The following CDH26 variants were observed in gnomAD, a reference collection of about 807,000 sequenced individuals.
CDH26 encodes the protein cadherin-like protein 26.
In CDH26, 83 loss-of-function variants were observed where a neutral mutation model predicts 90.3. That is an observed-to-expected ratio of 0.92 (90% CI 0.77 to 1.10). The LOEUF (loss-of-function observed/expected upper bound fraction) is 1.10, where lower values mean the gene tolerates loss of function less well. CDH26 is among the 50% of genes least tolerant of loss of function. The pLI is 0.00. For missense variants in CDH26, 1,013 were observed against 1,037.6 expected, an observed-to-expected ratio of 0.98 and a Z score of 0.33; for synonymous variants, 397 against 396.3, an observed-to-expected ratio of 1.00 and a Z score of -0.02.
rs568759209 is a variant in CDH26, at chr20:59,974,574, G to A, written c.393+2451G>A. Among the ~76,000 whole-genome samples, 6 of 152,250 alleles carry A rather than the reference G, an allele frequency of 3.9e-5. No homozygotes were observed. In the South Asian group the frequency reaches 1.2e-3, roughly 32 times the overall value. Reference sequence around the variant, plus strand: ...CAGTGTGGGGTGGGGGGAAACACATGGCATCCCCATTAATTCTGTTATGTC... The same window carrying A: ...CAGTGTGGGGTGGGGGGAAACACATAGCATCCCCATTAATTCTGTTATGTC... On this transcript the variant is annotated intron_variant, in intron 4 of 17. Coordinates refer to ENST00000348616, the MANE Select transcript of CDH26 (RefSeq NM_177980.4).
At chr20:60,034,093 G>A (rs575618657), downstream of CDH26, 61 of 153,306 alleles carry the variant, frequency 4.0e-4, no homozygotes, top group Non-Finnish European at 7.7e-4. Flanking sequence ...AGTGCAGCCG[G>A]CAGCACAGGG....
At chr20:59,965,818 C>T (rs771313663) in intron 1 of CDH26, among the ~76,000 whole-genome samples, 1 of 152,150 alleles carries the variant, frequency 6.6e-6, no homozygotes, top group Non-Finnish European at 1.5e-5. Flanking sequence ...TTCCCTACTC[C>T]GTTCCATTAA....
chr20:59,981,777 A>G (rs922530676), intron 4 of CDH26, among the ~76,000 whole-genome samples: 3 of 152,116 alleles, frequency 2.0e-5, no homozygotes, highest in Admixed American at 6.5e-5. Flanking sequence ...AGTCTCATAT[A>G]ATCAGTTGAG....
intron 10 of CDH26, among the ~76,000 whole-genome samples, chr20:59,993,595 A>G (rs928714520): frequency 5.3e-5 from 8 of 152,180 alleles, no homozygotes; most frequent in Admixed American, 2.6e-4. Flanking sequence ...ACATGATTTC[A>G]TTCTTTTTTA....
At chr20:59,999,337 A>G (rs1460430050) in intron 13 of CDH26, among the ~76,000 whole-genome samples, 2 of 152,202 alleles carry the variant, frequency 1.3e-5, no homozygotes, top group Non-Finnish European at 2.9e-5. Context: ...ATCAGTTTAC[A>G]TGGAACCCTG....
chr20:59,978,771 T>C (rs2061356226), intron 4 of CDH26, among the ~76,000 whole-genome samples: 1 of 152,158 alleles, frequency 6.6e-6, no homozygotes. Flanking sequence ...TTCTCTCTGG[T>C]CTAATTCCAC....
intron 17 of CDH26, among the ~76,000 whole-genome samples, chr20:60,010,740 G>A (rs2061825200): frequency 6.6e-6 from 1 of 152,220 alleles, no homozygotes. Context: ...GAGATGGTGA[G>A]AAGAGGGCTG....
rs1387371250 is a variant in CDH26, at chr20:60,021,895, C to CATATATAT, written c.948-9335_948-9334insTATATATA. Among the ~76,000 whole-genome samples, 398 of 80,788 alleles carry CATATATAT rather than the reference C, an allele frequency of 4.9e-3. 2 individuals carry two copies. The highest frequency in any genetic ancestry group is 0.025 in the Middle Eastern group (4 of 160). 53.0% of individuals were successfully genotyped at this position (80,788 alleles called of 152,430 possible). ...ACACACACACACACACACACACACACACATATATATATATATATATATCCT... is the reference window on the plus strand; with the variant it reads ...ACACACACACACACACACACACACACATATATATACATATATATATATATATATATCCT... On this transcript the variant is annotated intron_variant, in intron 7 of 8. Coordinates refer to the CDH26 transcript ENST00000370991.
exon 8 of CDH26, chr20:60,031,265 G>C: frequency 1.6e-6 from 2 of 1,258,684 alleles, no homozygotes; most frequent in South Asian, 2.7e-5. Context: ...CTCAGCAGGG[G>C]CTGCATCATC....
rs369484560 is a variant in CDH26, at chr20:59,972,153, G to T, written c.393+30G>T. The T allele has an allele frequency of 5.6e-5, 90 of 1,597,912 alleles. No homozygotes were observed. In the African/African-American group the frequency reaches 1.1e-3, roughly 20 times the overall value. ...CTAAAACTTGATATATTCTAAGCTCGGATTTAAAAGCTCTTGCAAGACTGT... is the reference window on the plus strand; with the variant it reads ...CTAAAACTTGATATATTCTAAGCTCTGATTTAAAAGCTCTTGCAAGACTGT... On this transcript the variant is annotated intron_variant, in intron 4 of 17. Coordinates refer to ENST00000348616, the MANE Select transcript of CDH26 (RefSeq NM_177980.4).
rs113026468 is a variant in CDH26, at chr20:59,958,659, G to A, written c.-68G>A. 6 of 1,503,762 alleles carry A rather than the reference G, an allele frequency of 4.0e-6. No homozygotes were observed. In the African/African-American group the frequency reaches 4.1e-5, roughly 10 times the overall value. The allele number at this position is 1,503,762 out of a possible 1,614,324, so 93.2% of individuals were successfully genotyped here. On this transcript the variant is annotated 5_prime_UTR_variant, in exon 1 of 18. Coordinates refer to ENST00000348616, the MANE Select transcript of CDH26 (RefSeq NM_177980.4). ...GGCTGAGAAGGAGGTGTGTGGCTCC[G>A]GTGAGACCACCAGCTTGGAGGACTG...
At chr20:59,960,713 T>TAAA (rs1351869799) in intron 1 of CDH26, among the ~76,000 whole-genome samples, 1 of 152,232 alleles carries the variant, frequency 6.6e-6, no homozygotes, top group Non-Finnish European at 1.5e-5. Context: ...TATCTCCCTT[T>TAAA]ACCTCCCTGA....
At position 59,972,083 on chromosome 20, in the gene CDH26, T is replaced by G; in HGVS notation, c.353T>G (p.Val118Gly). Reference protein sequence around the residue: ...LEDHENGRIYVHRPVDREMTP... With the variant: ...LEDHENGRIYGHRPVDREMTP... ...GATCATGAGAACGGAAGGATATATG[T>G]TCACCGCCCTGTCGATCGAGAAATG... Residue 118 changes from valine (V) to glycine (G), a missense_variant, in exon 4 of 18, where the codon GTT becomes GGT. By Grantham distance (109) the Val-to-Gly change is moderately radical. Transcript: ENST00000348616. The G allele has an allele frequency of 6.2e-7, 1 of 1,614,098 alleles. No homozygotes were observed. The highest frequency in any genetic ancestry group is 1.3e-5 in the African/African-American group (1 of 75,064).
rs777074678 is a variant in CDH26, at chr20:59,971,945, A to G, written c.232-17A>G. 6.3e-7 allele frequency: 1 copy of G among 1,598,542 alleles called. No individual in the cohort carries two copies. The highest frequency in any genetic ancestry group is 8.5e-7 in the Non-Finnish European group (1 of 1,170,644). ...CTCATCCTCCTTTTTTCTTCTTTCC[A>G]TTTTTCCTCCTTCCAGCTGTTCAAT... On this transcript the variant is annotated splice_polypyrimidine_tract_variant and intron_variant, in intron 3 of 17. Transcript: ENST00000348616.
intron 7 of CDH26, among the ~76,000 whole-genome samples, chr20:60,021,820 G>T (rs897643556): frequency 2.2e-5 from 3 of 134,178 alleles, no homozygotes; most frequent in African/African-American, 5.6e-5. Flanking sequence ...TGTCTTCTTT[G>T]TGTATTTTGA....
rs569085337 is a variant in CDH26 at position 60,007,589 on chromosome 20, G to C, written c.2295+802G>C. On this transcript the variant is annotated intron_variant, in intron 17 of 17. Coordinates refer to ENST00000348616, the MANE Select transcript of CDH26 (RefSeq NM_177980.4). The stretch of plus-strand genomic sequence containing the variant: ...TGCAAACGGAGGGGCTGGTTATTTA[G>C]AACTTTCTAGGACAGCAGTGATAAC... Among the ~76,000 whole-genome samples, 3 of 152,270 alleles carry C rather than the reference G, an allele frequency of 2.0e-5. No individual in the cohort carries two copies. In the South Asian group the frequency reaches 6.2e-4, roughly 32 times the overall value.
intron 4 of CDH26, among the ~76,000 whole-genome samples, chr20:59,981,402 T>C (rs1303247207): frequency 1.3e-5 from 2 of 152,192 alleles, no homozygotes; most frequent in Non-Finnish European, 1.5e-5. Context: ...TCTTCTTTGA[T>C]TTCTTTCATC....
chr20:60,008,447 G>A (rs1000577782), intron 17 of CDH26, among the ~76,000 whole-genome samples: 2 of 152,158 alleles, frequency 1.3e-5, no homozygotes, highest in African/African-American at 4.8e-5. Context: ...CAGGGTCTAG[G>A]CACTTAGGGG....
Position 59,970,274 on chromosome 20 carries a change from T to G in CDH26, c.231+88T>G. On this transcript the variant is annotated intron_variant, in intron 3 of 17. Coordinates refer to ENST00000348616, the MANE Select transcript of CDH26 (RefSeq NM_177980.4). The stretch of plus-strand genomic sequence containing the variant: ...CCAGGAAGATTAAGTCTTGAAAGGT[T>G]ATGTGCTAGTGAGGCCAGGGAGTGA... 7.2e-6 allele frequency: 11 copies of G among 1,535,950 alleles called. 1 individual carries two copies. In the South Asian group the frequency reaches 1.4e-4, roughly 19 times the overall value.
Sources: allele counts gnomAD v4.1 joint callset (sites outside exome capture counted in the v4.1 genomes callset), GRCh38; gene constraint gnomAD v4.1.1; transcripts MANE v1.5; gene names NCBI Gene and HGNC (gene_info 2026-07-23, HGNC 2026-07-21).